RMP64: variants seen among roughly 807,000 people sequenced by gnomAD.
RMP64 encodes nucleolus and neural progenitor protein.
chr3:113,012,718 A>C, the RMP64 span: 5 of 1,390,676 alleles, frequency 3.6e-6, no homozygotes, highest in Non-Finnish European at 5.1e-6. Context: ...GAAGGATGTC[A>C]GAGGTATGTA....
chr3:113,010,758 TCTA>T, the RMP64 span: 3 of 1,431,898 alleles, frequency 2.1e-6, no homozygotes, highest in African/African-American at 4.2e-5. Context: ...TATTTTCAAA[TCTA>T]CAACAAATTC....
At chr3:113,011,435 T>G in the RMP64 span, 3 of 1,525,898 alleles carry the variant, frequency 2.0e-6, no homozygotes, top group Non-Finnish European at 2.6e-6. Flanking sequence ...GCTCATTAAT[T>G]AGCCAGTAAT....
chr3:113,017,294 A>G, the RMP64 span, among the ~76,000 whole-genome samples: 1 of 152,360 alleles, frequency 6.6e-6, no homozygotes, highest in South Asian at 2.1e-4. Flanking sequence ...AAAAAAAAAG[A>G]AAGTGCACAT....
At chr3:113,013,107 C>A in the RMP64 span, 1 of 705,832 alleles carries the variant, frequency 1.4e-6, no homozygotes, top group South Asian at 1.9e-5. Flanking sequence ...CTGGCAATGG[C>A]TGCATCAGGC....
chr3:113,019,557 G>C, the RMP64 span: 3 of 1,613,322 alleles, frequency 1.9e-6, no homozygotes, highest in Non-Finnish European at 2.5e-6. Context: ...GCCGCGCCGG[G>C]GTTCTGCACT....
chr3:113,012,817 A>C, the RMP64 span: 1 of 1,554,750 alleles, frequency 6.4e-7, no homozygotes, highest in Admixed American at 1.7e-5. Flanking sequence ...TCAAACTGGA[A>C]AATCAATTTA....
At chr3:113,005,725 C>T in the RMP64 span, 1 of 1,614,056 alleles carries the variant, frequency 6.2e-7, no homozygotes, top group South Asian at 1.1e-5. Flanking sequence ...TATTCAAGAG[C>T]TGCTTACTGT....
At chr3:113,019,163 A>C in the RMP64 span, 1 of 235,004 alleles carries the variant, frequency 4.3e-6, no homozygotes, top group East Asian at 1.2e-4. Flanking sequence ...AGGAAAAAGA[A>C]GGAAAGGGGA....
At chr3:113,011,926 G>A in the RMP64 span, among the ~76,000 whole-genome samples, 3 of 152,292 alleles carry the variant, frequency 2.0e-5, no homozygotes, top group Admixed American at 2.0e-4. Context: ...AATACTATTT[G>A]AGATATCCAG....
chr3:113,012,860 T>C, the RMP64 span: 1 of 1,096,856 alleles, frequency 9.1e-7, no homozygotes, highest in Non-Finnish European at 1.4e-6. Flanking sequence ...AATGTGGGTT[T>C]TGTAAGTTAC....
At chr3:113,010,152 G>A in the RMP64 span, among the ~76,000 whole-genome samples, 1 of 152,162 alleles carries the variant, frequency 6.6e-6, no homozygotes, top group Admixed American at 6.5e-5. Flanking sequence ...AATGACCGTA[G>A]CTAATAACAT....
chr3:113,006,017 G>A, the RMP64 span: 1 of 1,571,292 alleles, frequency 6.4e-7, no homozygotes, highest in Admixed American at 1.8e-5. Context: ...TTAAAAGACA[G>A]AGAGAGGAAA....
chr3:113,007,977 T>C, the RMP64 span, among the ~76,000 whole-genome samples: 2 of 152,178 alleles, frequency 1.3e-5, no homozygotes, highest in Non-Finnish European at 2.9e-5. Context: ...AATTAACTTG[T>C]TTATCTTCTT....
chr3:113,007,040 AC>A, the RMP64 span, among the ~76,000 whole-genome samples: 2 of 152,198 alleles, frequency 1.3e-5, no homozygotes, highest in Admixed American at 6.5e-5. Flanking sequence ...ACCAATAAAC[AC>A]CAGTTTGCTA....
chr3:113,019,382 A>C, the RMP64 span: 53 of 615,262 alleles, frequency 8.6e-5, no homozygotes, highest in Admixed American at 1.5e-3. Flanking sequence ...AAGCTACACC[A>C]GCAAAGTGCT....
the RMP64 span, among the ~76,000 whole-genome samples, chr3:113,007,308 T>G: frequency 2.0e-5 from 3 of 152,176 alleles, no homozygotes; most frequent in Non-Finnish European, 2.9e-5. Context: ...TGTATACTTT[T>G]TTTTTTCTAA....
At chr3:113,006,038 T>C in the RMP64 span, 1 of 1,446,304 alleles carries the variant, frequency 6.9e-7, no homozygotes, top group South Asian at 1.2e-5. Flanking sequence ...AATCTGGGCT[T>C]AAGATGAGAA....
At chr3:113,017,689 CTTAT>C in the RMP64 span, 4 of 1,255,894 alleles carry the variant, frequency 3.2e-6, no homozygotes, top group East Asian at 2.4e-5. Context: ...AGCATCTTTC[CTTAT>C]TTGTTTTAAA....
chr3:113,011,301 A>C, the RMP64 span: 2 of 1,613,740 alleles, frequency 1.2e-6, no homozygotes, highest in East Asian at 4.5e-5. Flanking sequence ...GAAAGGTAAA[A>C]TCTTTGAAGT....
Sources: allele counts gnomAD v4.1 joint callset (sites outside exome capture counted in the v4.1 genomes callset), GRCh38; gene constraint gnomAD v4.1.1; transcripts MANE v1.5; gene names NCBI Gene and HGNC (gene_info 2026-07-23, HGNC 2026-07-21).